Variants in SCTR observed in about 807,000 individuals in gnomAD.
SCTR encodes secretin receptor, also known as pancreatic secretin receptor.
SCTR carries 56 observed loss-of-function variants against 60.8 expected under a neutral mutation model. The observed-to-expected ratio is 0.92, with a 90% CI of 0.74 to 1.15. The LOEUF (loss-of-function observed/expected upper bound fraction) is 1.15, where lower values mean the gene tolerates loss of function less well. Ranked by LOEUF, SCTR falls within the 50% of genes most tolerant of loss-of-function variation. The pLI is 0.00. For missense variants in SCTR, 562 were observed against 550.4 expected (o/e 1.02, Z -0.21); for synonymous variants, 202 against 217.0 (o/e 0.93, Z 0.61).
At position 119,444,276 on chromosome 2, in the gene SCTR, C is replaced by CATAT. The variant is rs1558830851; in HGVS notation, c.1140+2479_1140+2482dup. 3.9e-4 allele frequency among the ~76,000 whole-genome samples: 21 copies of CATAT among 53,910 alleles called. 2 individuals carry two copies. Among genetic ancestry groups the CATAT allele is most frequent in the African/African-American group, 1.1e-3 (19 of 17,664 alleles). 35.4% of individuals were successfully genotyped at this position (53,910 alleles called of 152,430 possible). A position where few individuals can be genotyped will look rare whatever the true frequency, so the allele number is the denominator to read the frequency against. On this transcript the variant is annotated intron_variant, in intron 11 of 12. Transcript: ENST00000019103. ...ATACATATGAATATATACATATATA[C>CATAT]ATATGAATATATACACATATATACG...
At chr2:119,447,003 T>C in intron 10 of SCTR, 118 bp from the exon 11 acceptor site, 3 of 1,085,430 alleles carry the variant, frequency 2.8e-6, no homozygotes, top group Non-Finnish European at 3.6e-6. Flanking sequence ...TGGCTAGCAG[T>C]ACCCCAAACT....
intron 2 of SCTR, among the ~76,000 whole-genome samples, chr2:119,481,491 G>T (rs1677599384): frequency 6.6e-6 from 1 of 152,190 alleles, no homozygotes; most frequent in African/African-American, 2.4e-5. Context: ...CCGCTGAAGT[G>T]GTTCCAGGGC....
At chr2:119,452,573 AT>A (rs35854512) in intron 8 of SCTR, among the ~76,000 whole-genome samples, 1 of 152,084 alleles carries the variant, frequency 6.6e-6, no homozygotes, top group African/African-American at 2.4e-5. Flanking sequence ...GGACCTCTCC[AT>A]TTTTTTCTAG....
chr2:119,506,628 A>G (rs1364475574), intron 1 of SCTR, among the ~76,000 whole-genome samples: 1 of 151,974 alleles, frequency 6.6e-6, no homozygotes, highest in Non-Finnish European at 1.5e-5. Flanking sequence ...CTACGCATGC[A>G]CTGCCATAGC....
chr2:119,476,185 C>T (rs918966543), intron 3 of SCTR, among the ~76,000 whole-genome samples: 3 of 152,110 alleles, frequency 2.0e-5, no homozygotes, highest in African/African-American at 7.2e-5. Context: ...GCCTTCCTGC[C>T]GGGAGATGAA....
intron 12 of SCTR, 114 bp from the exon 13 acceptor site, chr2:119,440,371 G>A (rs1036515367): frequency 2.8e-5 from 35 of 1,244,746 alleles, no homozygotes; most frequent in Non-Finnish European, 3.8e-5. Flanking sequence ...CAGCTGCCCT[G>A]TCCCCTAGCC....
At chr2:119,448,899 G>C in intron 9 of SCTR, 119 bp from the exon 10 acceptor site, 1 of 634,874 alleles carries the variant, frequency 1.6e-6, no homozygotes, top group South Asian at 1.8e-5. Flanking sequence ...AGCCAGGATG[G>C]CCCACCAGTG....
At chr2:119,493,005 C>T (rs781529792) in intron 2 of SCTR, among the ~76,000 whole-genome samples, 9 of 151,962 alleles carry the variant, frequency 5.9e-5, no homozygotes, top group Non-Finnish European at 1.0e-4. Flanking sequence ...TTACAGGTGC[C>T]CACCACCATG....
intron 7 of SCTR, among the ~76,000 whole-genome samples, chr2:119,453,758 G>A (rs1032646929): frequency 3.3e-5 from 5 of 152,186 alleles, no homozygotes; most frequent in Non-Finnish European, 7.3e-5. Context: ...AGTGGAGAAG[G>A]GGTGGACACA....
chr2:119,472,619 C>T (rs140894562), intron 4 of SCTR, among the ~76,000 whole-genome samples: 254 of 152,250 alleles, frequency 1.7e-3, no homozygotes, highest in Middle Eastern at 0.014. Context: ...AGCCGGGAGA[C>T]TCCTTCGAAT....
At chr2:119,458,591 A>C in intron 7 of SCTR, among the ~76,000 whole-genome samples, 1 of 143,878 alleles carries the variant, frequency 7.0e-6, no homozygotes, top group African/African-American at 2.7e-5. Context: ...ACAGGGCAAG[A>C]CTCTCTCTCA....
In SCTR at chr2:119,478,795, T is replaced by A; in HGVS notation, c.301+16A>T. On this transcript the variant is annotated intron_variant, in intron 3 of 12. Coordinates refer to ENST00000019103, the MANE Select transcript of SCTR (RefSeq NM_002980.3). ...CCCTCAGCCTGTCCGCCAGGCCCCA[T>A]GGGCCGAGTGGTTACCATTTCTGCT... 1 of 1,613,610 alleles carries A rather than the reference T, an allele frequency of 6.2e-7. No homozygotes were observed. Among genetic ancestry groups the A allele is most frequent in the Non-Finnish European group, 8.5e-7 (1 of 1,179,640 alleles).
rs115883266 is a variant in SCTR, at chr2:119,499,103, G to A, written c.73-4555C>T. Among the ~76,000 whole-genome samples the A allele has an allele frequency of 1.3e-3, 197 of 151,568 alleles. 1 individual carries two copies. Among genetic ancestry groups the A allele is most frequent in the African/African-American group, 4.4e-3 (184 of 41,370 alleles). Reference sequence around the variant, plus strand: ...AATGTAAGATAAAGTACAGTGTAGAGCAAAAACAATAACCAGAAACAGAAA... The same window carrying A: ...AATGTAAGATAAAGTACAGTGTAGAACAAAAACAATAACCAGAAACAGAAA... On this transcript the variant is annotated intron_variant, in intron 1 of 12. Transcript: ENST00000019103.
At chr2:119,473,747 G>A (rs778800346) in intron 3 of SCTR, among the ~76,000 whole-genome samples, 191 bp from the exon 4 acceptor site, 15 of 152,108 alleles carry the variant, frequency 9.9e-5, no homozygotes, top group African/African-American at 2.7e-4. Context: ...CCTGGGGCTC[G>A]GGCTCCAGAG....
At chr2:119,455,871 G>A (rs1160054054) in intron 7 of SCTR, among the ~76,000 whole-genome samples, 1 of 152,062 alleles carries the variant, frequency 6.6e-6, no homozygotes, top group African/African-American at 2.4e-5. Flanking sequence ...GACACCGTAT[G>A]CCAGGAAAAA....
At chr2:119,492,525 C>T (rs140351272) in intron 2 of SCTR, among the ~76,000 whole-genome samples, 9 of 152,284 alleles carry the variant, frequency 5.9e-5, no homozygotes, top group African/African-American at 1.7e-4. Flanking sequence ...TTTTCTTTCC[C>T]GCTGTCTTTC....
At chr2:119,519,268 C>G (rs559957830) in intron 1 of SCTR, among the ~76,000 whole-genome samples, 18 of 152,142 alleles carry the variant, frequency 1.2e-4, no homozygotes, top group Non-Finnish European at 8.8e-5. Context: ...GGCCACCGCG[C>G]TCCGCCTAAG....
At chr2:119,465,676 CGACAAGGTAGTTCACTCA>C in intron 5 of SCTR, 95 bp downstream of exon 5, 1 of 726,294 alleles carries the variant, frequency 1.4e-6, no homozygotes, top group Non-Finnish European at 2.5e-6. Flanking sequence ...GATCAAGAGA[CGACAAGGTAGTTCACTCA>C]GACCTTCCTC....
rs570420382 is a variant in SCTR at position 119,483,452 on chromosome 2, C to T, written c.194-4534G>A. On this transcript the variant is annotated intron_variant, in intron 2 of 12. Coordinates refer to ENST00000019103, the MANE Select transcript of SCTR (RefSeq NM_002980.3). ...CTGGCCTTGGTGGCAGCAGACCTGG[C>T]TGCTAGCCCCCCACAGTGTTGATCG... 4.1e-3 allele frequency among the ~76,000 whole-genome samples: 631 copies of T among 152,302 alleles called. 1 individual carries two copies. The highest frequency in any genetic ancestry group is 6.9e-3 in the Non-Finnish European group (468 of 68,016).
Sources: gnomAD v4.1 joint callset for allele counts (sites outside exome capture counted in the v4.1 genomes callset) on GRCh38, gnomAD v4.1.1 for gene constraint, MANE v1.5 for transcripts, NCBI Gene and HGNC (gene_info 2026-07-23, HGNC 2026-07-21) for gene names.